MMP16: variants seen among roughly 807,000 people sequenced by gnomAD.
The protein encoded by MMP16 is matrix metallopeptidase 16.
Under a neutral mutation model 67.8 loss-of-function variants are expected in MMP16, and 12 were observed. The observed-to-expected ratio is 0.18, with a 90% CI of 0.11 to 0.29. The LOEUF is 0.29. Among genes scored for constraint, MMP16 ranks in the 10% least tolerant of loss-of-function variants. The pLI is 1.00. For synonymous variants in MMP16, 249 were observed against 255.9 expected (o/e 0.97, Z 0.26); for missense variants, 475 against 765.7 (o/e 0.62, Z 4.48).
intron 4 of MMP16, among the ~76,000 whole-genome samples, chr8:88,138,362 A>C (rs1341678656): frequency 6.6e-6 from 1 of 151,944 alleles, no homozygotes; most frequent in South Asian, 2.1e-4. Context: ...TATAGGGCCT[A>C]ACAGGCCCTA....
chr8:88,198,557 C>T (rs1809292671), intron 1 of MMP16, among the ~76,000 whole-genome samples: 1 of 151,916 alleles, frequency 6.6e-6, no homozygotes, highest in South Asian at 2.1e-4. Context: ...GTGAAAATAA[C>T]CAGCAAATAT....
At chr8:88,142,744 G>A (rs1808233111) in intron 4 of MMP16, among the ~76,000 whole-genome samples, 1 of 151,962 alleles carries the variant, frequency 6.6e-6, no homozygotes, top group Non-Finnish European at 1.5e-5. Flanking sequence ...GAAGTAGGTG[G>A]ATTGTCATAT....
rs778613918 is a variant in MMP16, at chr8:88,116,500, C to T, written c.1083+7G>A. The T allele has an allele frequency of 3.7e-6, 6 of 1,610,330 alleles. No homozygotes were observed. The highest frequency in any genetic ancestry group is 3.3e-5 in the Admixed American group (2 of 59,904). ...CTGTTAAAAAAAAAAAAATCACAGT[C>T]TCCTACCTTGAAAACAAACATCTCA... On this transcript the variant is annotated splice_region_variant and intron_variant, in intron 6 of 9. Coordinates refer to ENST00000286614, the MANE Select transcript of MMP16 (RefSeq NM_005941.5).
At chr8:88,096,841 G>C (rs1809036176) in intron 6 of MMP16, among the ~76,000 whole-genome samples, 1 of 151,924 alleles carries the variant, frequency 6.6e-6, no homozygotes. Flanking sequence ...TCCATGATTG[G>C]AAACGCGAGA....
At chr8:88,089,335 G>A (rs891985597) in intron 6 of MMP16, among the ~76,000 whole-genome samples, 2 of 151,988 alleles carry the variant, frequency 1.3e-5, no homozygotes, top group Non-Finnish European at 2.9e-5. Flanking sequence ...TGCTTCATAA[G>A]GCTGAAGATT....
At chr8:88,056,092 A>G in intron 8 of MMP16, 36 bp downstream of exon 8, 1 of 1,394,088 alleles carries the variant, frequency 7.2e-7, no homozygotes, top group Non-Finnish European at 9.5e-7. Flanking sequence ...AACATTGGTT[A>G]ATTAACTGTT....
intron 7 of MMP16, among the ~76,000 whole-genome samples, chr8:88,068,310 A>G (rs1372392286): frequency 1.3e-5 from 2 of 152,156 alleles, no homozygotes; most frequent in East Asian, 1.9e-4. Context: ...GTGAATAAAA[A>G]TCCTTCATCA....
chr8:88,044,335 C>T lies in MMP16; in HGVS notation c.1489+2334G>A, dbSNP rs35609841. Among the ~76,000 whole-genome samples, 1,103 of 152,204 alleles carry T rather than the reference C, an allele frequency of 7.2e-3. 8 individuals are homozygous for T. Among genetic ancestry groups the T allele is most frequent in the Non-Finnish European group, 0.011 (728 of 68,014 alleles). ...GTCTCAGAAAACAAATGTCTAGTTA[C>T]TAGGAGATAGACAGTGTAAGCATTT... On this transcript the variant is annotated intron_variant, in intron 9 of 9. Transcript: ENST00000286614.
chr8:88,160,054 C>G (rs974357316), intron 4 of MMP16, among the ~76,000 whole-genome samples: 5 of 151,488 alleles, frequency 3.3e-5, no homozygotes, highest in African/African-American at 7.3e-5. Context: ...ATGTGCCATG[C>G]TGATGTGCTG....
intron 4 of MMP16, among the ~76,000 whole-genome samples, chr8:88,143,055 A>G (rs1808237891): frequency 6.6e-6 from 1 of 152,150 alleles, no homozygotes; most frequent in Non-Finnish European, 1.5e-5. Context: ...AGATTTTGAC[A>G]GAGCCCATTA....
intron 1 of MMP16, among the ~76,000 whole-genome samples, chr8:88,279,039 T>A (rs764955853): frequency 6.6e-5 from 10 of 152,104 alleles, no homozygotes; most frequent in East Asian, 1.9e-4. Context: ...CTGGCCAACA[T>A]GATGAAACCC....
chr8:88,262,298 T>A (rs1015340938), intron 1 of MMP16, among the ~76,000 whole-genome samples: 4 of 152,280 alleles, frequency 2.6e-5, no homozygotes, highest in African/African-American at 9.6e-5. Context: ...ATGAATTTTT[T>A]AAATATTTCC....
chr8:88,277,724 T>C (rs1810669459), intron 1 of MMP16, among the ~76,000 whole-genome samples: 1 of 152,198 alleles, frequency 6.6e-6, no homozygotes, highest in African/African-American at 2.4e-5. Context: ...ATTTTTGATC[T>C]CTACTAAGCC....
intron 6 of MMP16, among the ~76,000 whole-genome samples, chr8:88,094,047 G>T (rs556902787): frequency 4.2e-4 from 63 of 151,784 alleles, no homozygotes; most frequent in Non-Finnish European, 8.5e-4. Context: ...CTTAGACCAA[G>T]GCAGAGTGTA....
chr8:88,146,041 A>T (rs2118513349), intron 4 of MMP16, among the ~76,000 whole-genome samples: 1 of 152,120 alleles, frequency 6.6e-6, no homozygotes, highest in South Asian at 2.1e-4. Flanking sequence ...TTTTAATATC[A>T]TCTTTCCCAT....
At chr8:88,296,798 T>A (rs572954518) in intron 1 of MMP16, among the ~76,000 whole-genome samples, 1 of 146,122 alleles carries the variant, frequency 6.8e-6, no homozygotes, top group African/African-American at 2.5e-5. Flanking sequence ...TGAGCTGAGA[T>A]CGCACCACTG....
At chr8:88,309,408 G>T (rs1811261574) in intron 1 of MMP16, among the ~76,000 whole-genome samples, 1 of 151,686 alleles carries the variant, frequency 6.6e-6, no homozygotes, top group Non-Finnish European at 1.5e-5. Flanking sequence ...GAAGGCAGGG[G>T]AAGGAAGAAA....
chr8:88,284,763 C>T (rs72675193), intron 1 of MMP16, among the ~76,000 whole-genome samples: 182 of 152,144 alleles, frequency 1.2e-3, no homozygotes, highest in Non-Finnish European at 2.2e-3. Flanking sequence ...TCAGCCAACT[C>T]GGAACTGCTT....
At chr8:88,301,358 TG>T (rs1811096362) in intron 1 of MMP16, among the ~76,000 whole-genome samples, 1 of 152,162 alleles carries the variant, frequency 6.6e-6, no homozygotes, top group African/African-American at 2.4e-5. Context: ...GAAGAACCCC[TG>T]AAGTTTAACT....
Sources: allele counts gnomAD v4.1 joint callset (sites outside exome capture counted in the v4.1 genomes callset), GRCh38; gene constraint gnomAD v4.1.1; transcripts MANE v1.5; gene names NCBI Gene and HGNC (gene_info 2026-07-23, HGNC 2026-07-21).